The following ABLIM2 variants were observed in gnomAD, a reference collection of about 807,000 sequenced individuals.
ABLIM2 encodes actin binding LIM protein family member 2.
ABLIM2 carries 53 observed loss-of-function variants against 97.7 expected under a neutral mutation model. The observed-to-expected ratio is 0.54, with a 90% CI of 0.44 to 0.68. The LOEUF (loss-of-function observed/expected upper bound fraction) is 0.68, where lower values mean the gene tolerates loss of function less well. Ranked by LOEUF, ABLIM2 falls within the 30% of genes least tolerant of loss-of-function variation. The pLI, the probability that ABLIM2 is intolerant of heterozygous loss-of-function variation, is 0.00. For missense variants in ABLIM2, 835 were observed against 867.2 expected (o/e 0.96, Z 0.47); for synonymous variants, 361 against 345.8 (o/e 1.04, Z -0.49).
intron 12 of ABLIM2, among the ~76,000 whole-genome samples, chr4:8,026,826 G>A (rs1777711675): frequency 1.3e-5 from 2 of 151,982 alleles, no homozygotes; most frequent in South Asian, 2.1e-4. Context: ...TGCAGACATC[G>A]CTGTGTCTGC....
At chr4:8,091,351 A>ATATATATATTATATATATATAATATATAT (rs1561326003) in intron 3 of ABLIM2, among the ~76,000 whole-genome samples, 6 of 19,424 alleles carry the variant, frequency 3.1e-4, no homozygotes, top group Non-Finnish European at 6.5e-4. Flanking sequence ...ATATATATAT[A>ATATATATATTATATATATATAATATATAT]ATTATATATA....
At chr4:8,051,550 G>T (rs1560973820) in intron 8 of ABLIM2, among the ~76,000 whole-genome samples, 2 of 120,552 alleles carry the variant, frequency 1.7e-5, no homozygotes, top group Non-Finnish European at 3.2e-5. Context: ...AAGACAGAGC[G>T]AGATTCCATC....
Position 8,069,668 on chromosome 4 carries a change from C to T in ABLIM2, c.675+7960G>A, listed in dbSNP as rs372916349. Among the ~76,000 whole-genome samples the T allele has an allele frequency of 6.6e-6, 1 of 151,772 alleles. No individual in the cohort carries two copies. The highest frequency in any genetic ancestry group is 1.9e-4 in the East Asian group (1 of 5,158). On this transcript the variant is annotated intron_variant, in intron 6 of 20. Transcript: ENST00000447017. This position sits in a 1 kb window ranked among gnomAD's most constrained non-coding sequence, Gnocchi z 4.2. Reference sequence around the variant, plus strand: ...CTGTCTTGGTTGTCTGTGTGCATTTCTGTGTGTCTCTGTGTGTGTTTGTGT... The same window carrying T: ...CTGTCTTGGTTGTCTGTGTGCATTTTTGTGTGTCTCTGTGTGTGTTTGTGT...
At chr4:8,056,305 C>CTTTTTTTTT (rs71175456) in intron 7 of ABLIM2, among the ~76,000 whole-genome samples, 2 of 128,182 alleles carry the variant, frequency 1.6e-5, no homozygotes, top group Admixed American at 8.0e-5. Context: ...TTCTTTCTTT[C>CTTTTTTTTT]TTTTTTTTTT....
Position 8,132,188 on chromosome 4 carries a change from C to T in ABLIM2, c.11-25551G>A, listed in dbSNP as rs926600513. On this transcript the variant is annotated intron_variant, in intron 1 of 20. Coordinates refer to ENST00000447017, the MANE Select transcript of ABLIM2 (RefSeq NM_001130083.2). This position sits in a 1 kb window ranked among gnomAD's most constrained non-coding sequence, Gnocchi z 8.0. ...ATGGTCCCACGAGGCTGCAATCACC[C>T]CCCTGCTCACTCATGCTCACCCCCT... 6.6e-6 allele frequency among the ~76,000 whole-genome samples: 1 copy of T among 151,978 alleles called. No homozygotes were observed. The highest frequency in any genetic ancestry group is 1.5e-5 in the Non-Finnish European group (1 of 67,980).
intron 20 of ABLIM2, among the ~76,000 whole-genome samples, chr4:7,977,228 C>T (rs1391469974): frequency 6.6e-6 from 1 of 152,188 alleles, no homozygotes; most frequent in Non-Finnish European, 1.5e-5. Flanking sequence ...TTCCCCTTTG[C>T]CTTCCACCAT....
At chr4:7,969,612 T>C (rs1048499938) in intron 20 of ABLIM2, among the ~76,000 whole-genome samples, 2 of 152,146 alleles carry the variant, frequency 1.3e-5, no homozygotes, top group African/African-American at 4.8e-5. Context: ...TGGTATGCCC[T>C]GGATTTTGCA....
rs1194118556 is a variant in ABLIM2 at position 7,965,416 on chromosome 4, C to T, written c.*1574G>A. 1 of 152,600 alleles carries T rather than the reference C, an allele frequency of 6.6e-6. No homozygotes were observed. The highest frequency in any genetic ancestry group is 2.4e-5 in the African/African-American group (1 of 41,438). 9.5% of individuals were successfully genotyped at this position (152,600 alleles called of 1,614,324 possible). On this transcript the variant is annotated 3_prime_UTR_variant, in exon 21 of 21. Coordinates refer to ENST00000447017, the MANE Select transcript of ABLIM2 (RefSeq NM_001130083.2). The stretch of plus-strand genomic sequence containing the variant: ...AAATGGGGGTTTCCAGTTGCTCAGG[C>T]TCAGATTGCGCAATGGCAGGAAGCA...
rs1722999056 is a variant in ABLIM2 at position 7,966,411 on chromosome 4, T to A, written c.*579A>T. 1 of 152,894 alleles carries A rather than the reference T, an allele frequency of 6.5e-6. No individual in the cohort carries two copies. Among genetic ancestry groups the A allele is most frequent in the Non-Finnish European group, 1.5e-5 (1 of 68,208 alleles). The allele number at this position is 152,894 out of a possible 1,614,324, so 9.5% of individuals were successfully genotyped here. On this transcript the variant is annotated 3_prime_UTR_variant, in exon 21 of 21. Transcript: ENST00000447017. ...GGAGGGGCGCTGGCGGAAGGTGCCCTGTCTTGTCCCTTGTTGACATTTGTC... is the reference window on the plus strand; with the variant it reads ...GGAGGGGCGCTGGCGGAAGGTGCCCAGTCTTGTCCCTTGTTGACATTTGTC...
intron 1 of ABLIM2, among the ~76,000 whole-genome samples, chr4:8,146,057 T>C (rs73799609): frequency 0.1 from 15,795 of 152,254 alleles, 936 homozygotes; most frequent in Middle Eastern, 0.17. Context: ...GCACATTTTT[T>C]TTCTGAGATG....
At chr4:8,042,571 C>A (rs940596853) in intron 9 of ABLIM2, among the ~76,000 whole-genome samples, 1 of 152,116 alleles carries the variant, frequency 6.6e-6, no homozygotes. Context: ...CCAGGCACAG[C>A]GGCTCACGCC....
At position 8,047,103 on chromosome 4, in the gene ABLIM2, G is replaced by T. The variant is rs149816740; in HGVS notation, c.823-1862C>A. On this transcript the variant is annotated intron_variant, in intron 8 of 20. Transcript: ENST00000447017. ...ACTCAGCGCACACCAGCGAGGATGG[G>T]CAACATCAGCGCCGGATGTGGGGCC... 9.1e-3 allele frequency among the ~76,000 whole-genome samples: 1,393 copies of T among 152,340 alleles called. 16 individuals carry two copies. The highest frequency in any genetic ancestry group is 0.015 in the Non-Finnish European group (1,019 of 68,032).
At chr4:8,012,871 A>G (rs949297417) in intron 14 of ABLIM2, among the ~76,000 whole-genome samples, 1 of 152,088 alleles carries the variant, frequency 6.6e-6, no homozygotes, top group Non-Finnish European at 1.5e-5. Flanking sequence ...GCATCCATTC[A>G]TCCATGTAGC....
chr4:7,983,136 TC>T (rs1740192136), intron 20 of ABLIM2, 127 bp downstream of exon 20: 4 of 977,694 alleles, frequency 4.1e-6, no homozygotes, highest in African/African-American at 1.6e-5. Flanking sequence ...TGACTCTGCA[TC>T]ACGGCAAGGC....
intron 9 of ABLIM2, among the ~76,000 whole-genome samples, chr4:8,040,101 G>A (rs1176672197): frequency 2.0e-5 from 3 of 152,196 alleles, no homozygotes; most frequent in Non-Finnish European, 4.4e-5. Flanking sequence ...TCCTGTGCAC[G>A]TGAATGGCAG....
intron 1 of ABLIM2, among the ~76,000 whole-genome samples, chr4:8,121,235 G>A (rs1845278328): frequency 6.6e-6 from 1 of 152,216 alleles, no homozygotes; most frequent in Non-Finnish European, 1.5e-5. Flanking sequence ...AGGAGTTTGT[G>A]TGAGTGTCAG....
intron 1 of ABLIM2, among the ~76,000 whole-genome samples, chr4:8,145,764 A>G (rs938284458): frequency 6.7e-6 from 1 of 148,906 alleles, no homozygotes; most frequent in African/African-American, 2.5e-5. Flanking sequence ...ACACACACAC[A>G]CACACACACA....
intron 2 of ABLIM2, among the ~76,000 whole-genome samples, chr4:8,105,495 G>T (rs968618062): frequency 1.3e-5 from 2 of 152,236 alleles, no homozygotes; most frequent in African/African-American, 4.8e-5. Context: ...GATGGGGGCC[G>T]TGCAACGCCT....
chr4:8,052,556 T>C (rs1796701489), intron 8 of ABLIM2, among the ~76,000 whole-genome samples: 1 of 152,234 alleles, frequency 6.6e-6, no homozygotes, highest in South Asian at 2.1e-4. Flanking sequence ...AGACTTCCCC[T>C]GGGACCCCCT....
Sources: gnomAD v4.1 joint callset for allele counts (sites outside exome capture counted in the v4.1 genomes callset) on GRCh38, gnomAD v4.1.1 for gene constraint, Gnocchi (gnomAD v3.1) non-coding constraint, MANE v1.5 for transcripts, NCBI Gene and HGNC (gene_info 2026-07-23, HGNC 2026-07-21) for gene names.